Variants in SIPA1L2 observed in about 807,000 individuals in gnomAD.
SIPA1L2 encodes signal-induced proliferation-associated 1-like protein 2.
Under a neutral mutation model 163.9 loss-of-function variants are expected in SIPA1L2, and 56 were observed. The ratio of observed to expected loss-of-function variants is 0.34; its 90% CI spans 0.28 to 0.43. The LOEUF is 0.43. SIPA1L2 is among the 20% of genes least tolerant of loss of function. The probability of loss-of-function intolerance (pLI) is 1.00; values close to 1 mark genes in which losing one functional copy is unlikely to be tolerated. For missense variants in SIPA1L2, 1,974 were observed against 2,193.5 expected, an observed-to-expected ratio of 0.90 and a Z score of 2.00; for synonymous variants, 877 against 865.7, an observed-to-expected ratio of 1.01 and a Z score of -0.23.
At chr1:232,491,536 C>T (rs748664044) in intron 4 of SIPA1L2, among the ~76,000 whole-genome samples, 1 of 152,146 alleles carries the variant, frequency 6.6e-6, no homozygotes, top group African/African-American at 2.4e-5. Flanking sequence ...CGAGGCTGAA[C>T]AGGGGAGCAG....
intron 1 of SIPA1L2, among the ~76,000 whole-genome samples, chr1:232,575,135 A>G (rs1660010585): frequency 6.6e-6 from 1 of 152,230 alleles, no homozygotes; most frequent in Non-Finnish European, 1.5e-5. Flanking sequence ...CTGACACTGC[A>G]TGGACTCAAA....
chr1:232,613,724 T>C (rs1431678692), intron 1 of SIPA1L2, among the ~76,000 whole-genome samples: 1 of 152,142 alleles, frequency 6.6e-6, no homozygotes, highest in Non-Finnish European at 1.5e-5. Context: ...GTGTGTATAA[T>C]GCCAAAAATG....
rs951083612 is a variant in SIPA1L2, at chr1:232,445,521, A to C, written c.3353+8T>G. On this transcript the variant is annotated splice_region_variant and intron_variant, in intron 11 of 22. Transcript: ENST00000674635. ...GGGCCCCCCTTGAGGAAACGGAACC[A>C]GCATTACCTCGTGCCATCGGGCAGC... 26 of 1,613,392 alleles carry C rather than the reference A, an allele frequency of 1.6e-5. No homozygotes were observed. The highest frequency in any genetic ancestry group is 2.2e-5 in the Non-Finnish European group (26 of 1,179,814).
At chr1:232,453,401 G>A (rs1438872074) in intron 10 of SIPA1L2, among the ~76,000 whole-genome samples, 1 of 152,152 alleles carries the variant, frequency 6.6e-6, no homozygotes, top group Non-Finnish European at 1.5e-5. Flanking sequence ...CCCATGACTG[G>A]AACTTGCATT....
At chr1:232,440,755 T>C (rs1357048284) in intron 14 of SIPA1L2, among the ~76,000 whole-genome samples, 3 of 152,262 alleles carry the variant, frequency 2.0e-5, no homozygotes, top group Non-Finnish European at 2.9e-5. Context: ...TTTGTTTCAC[T>C]GGGCTACAGT....
chr1:232,454,095 A>G (rs1205467555), intron 10 of SIPA1L2, among the ~76,000 whole-genome samples: 1 of 152,214 alleles, frequency 6.6e-6, no homozygotes, highest in Non-Finnish European at 1.5e-5. Context: ...CAACCGGGAG[A>G]TAACCACATA....
intron 10 of SIPA1L2, among the ~76,000 whole-genome samples, chr1:232,447,522 C>A (rs546019143): frequency 6.6e-6 from 1 of 152,244 alleles, no homozygotes; most frequent in Non-Finnish European, 1.5e-5. Context: ...TGCACAGATG[C>A]CCCGACAGAG....
At chr1:232,463,580 C>T (rs1243413158) in intron 9 of SIPA1L2, among the ~76,000 whole-genome samples, 1 of 152,070 alleles carries the variant, frequency 6.6e-6, no homozygotes, top group East Asian at 1.9e-4. Flanking sequence ...GTATAAAAGC[C>T]CATGTGTAAA....
chr1:232,514,824 T>C lies in SIPA1L2; in HGVS notation c.516A>G (p.Glu172=). 1 of 1,614,224 alleles carries C rather than the reference T, an allele frequency of 6.2e-7. No homozygotes were observed. The highest frequency in any genetic ancestry group is 1.1e-5 in the South Asian group (1 of 91,086). Residue 172 remains glutamate (E), a synonymous_variant, in exon 3 of 23, where the codon GAA becomes GAG. Transcript: ENST00000674635. ...TGACTGCATTTTGGTCTAAGACATCTTCGGCATCAATGTCACTGATAGTGA... is the reference window on the plus strand; with the variant it reads ...TGACTGCATTTTGGTCTAAGACATCCTCGGCATCAATGTCACTGATAGTGA... The part of the protein sequence containing the change: ...SDVTISDIDA[E]DVLDQNAVNP...
chr1:232,462,089 G>C (rs746647891), intron 9 of SIPA1L2: 35 of 859,546 alleles, frequency 4.1e-5, no homozygotes, highest in Non-Finnish European at 6.2e-5. Flanking sequence ...GAGTGAGAGA[G>C]AGTCAACAGC....
chr1:232,441,924 T>A, intron 12 of SIPA1L2, 56 bp from the exon 13 acceptor site: 1 of 1,443,980 alleles, frequency 6.9e-7, no homozygotes, highest in East Asian at 2.4e-5. Context: ...CCTGCCAGCA[T>A]GCACACGGGA....
intron 14 of SIPA1L2, among the ~76,000 whole-genome samples, chr1:232,439,784 AAAT>A (rs1433092920): frequency 6.6e-6 from 1 of 152,218 alleles, no homozygotes; most frequent in South Asian, 2.1e-4. Flanking sequence ...CTAGCAAAGA[AAAT>A]AATAAGCAAA....
intron 2 of SIPA1L2, among the ~76,000 whole-genome samples, 156 bp from the exon 3 acceptor site, chr1:232,515,764 T>C (rs901620092): frequency 6.6e-6 from 1 of 152,216 alleles, no homozygotes; most frequent in Non-Finnish European, 1.5e-5. Context: ...TGGAACACCA[T>C]CTTCCTTCTC....
intron 1 of SIPA1L2, among the ~76,000 whole-genome samples, chr1:232,622,772 C>G (rs1662883476): frequency 6.6e-6 from 1 of 152,168 alleles, no homozygotes; most frequent in African/African-American, 2.4e-5. Context: ...TCAAACGACC[C>G]AGGAAAGGCA....
rs912736229 is a variant in SIPA1L2, at chr1:232,461,051, A to G, written c.2931T>C (p.Phe977=). 1.2e-6 allele frequency: 2 copies of G among 1,614,296 alleles called. No homozygotes were observed. Among genetic ancestry groups the G allele is most frequent in the Non-Finnish European group, 1.7e-6 (2 of 1,180,054 alleles). Residue 977 remains phenylalanine, a synonymous_variant, in exon 10 of 23, where the codon TTT becomes TTC. Transcript: ENST00000674635. ...GAAGGCCAGCCTTCCAGGCAAAGCC[A>G]AAAGGTTCCACATCTGCGACAATTC... ...FEGIVADVEP[F]GFAWKAGLRQ...
chr1:232,491,648 A>G (rs1440287690), intron 4 of SIPA1L2, among the ~76,000 whole-genome samples: 1 of 152,170 alleles, frequency 6.6e-6, no homozygotes, highest in Non-Finnish European at 1.5e-5. Flanking sequence ...CCACAGAAAC[A>G]TGCAATGAAT....
chr1:232,440,562 A>T (rs1662829237), intron 14 of SIPA1L2, among the ~76,000 whole-genome samples: 1 of 152,220 alleles, frequency 6.6e-6, no homozygotes, highest in Non-Finnish European at 1.5e-5. Context: ...GAAATGTCAC[A>T]TGTGTTTGCT....
At chr1:232,570,299 C>A (rs1334884596) in intron 2 of SIPA1L2, among the ~76,000 whole-genome samples, 2 of 152,166 alleles carry the variant, frequency 1.3e-5, no homozygotes, top group East Asian at 1.9e-4. Context: ...GTGAACAAAT[C>A]CTAACTTCGC....
intron 2 of SIPA1L2, among the ~76,000 whole-genome samples, chr1:232,570,961 A>G (rs1206814842): frequency 1.3e-5 from 2 of 151,502 alleles, no homozygotes; most frequent in Non-Finnish European, 2.9e-5. Context: ...AAAAAAAAAA[A>G]AAGGAGCTAA....
Sources: gnomAD v4.1 joint callset for allele counts (sites outside exome capture counted in the v4.1 genomes callset) on GRCh38, gnomAD v4.1.1 for gene constraint, MANE v1.5 for transcripts, NCBI Gene and HGNC (gene_info 2026-07-23, HGNC 2026-07-21) for gene names.